The following USP42 variants were observed in gnomAD, a reference collection of about 807,000 sequenced individuals.
USP42 encodes ubiquitin specific peptidase 42, also known as ubiquitin carboxyl-terminal hydrolase 42.
A neutral mutation model predicts 113.0 loss-of-function variants in USP42; 23 were observed. The observed-to-expected ratio is 0.20, with a 90% CI of 0.15 to 0.29. The LOEUF is 0.29. Ranked by LOEUF, USP42 falls within the 10% of genes least tolerant of loss-of-function variation. The pLI, the probability that USP42 is intolerant of heterozygous loss-of-function variation, is 1.00. For missense variants in USP42, 2,174 were observed against 1,779.8 expected (o/e 1.22, Z -3.99); for synonymous variants, 933 against 699.0 (o/e 1.33, Z -5.28).
In USP42 at chr7:6,154,186, G is replaced by A. The variant is rs760613820; in HGVS notation, c.2632G>A (p.Asp878Asn). The change falls in exon 15 of 18, where the codon GAC (aspartate) becomes AAC (asparagine). Residue 878 changes from aspartate (D) to asparagine (N), a missense_variant. Asp to Asn is a conservative substitution (Grantham distance 23). Coordinates refer to ENST00000306177, the MANE Select transcript of USP42 (RefSeq NM_032172.3). ...GCCACTCCTTGTTCACCCCAGCGGG[G>A]ACCACGCCCGGGACGCTCAGGACCC... is the stretch of plus-strand genomic sequence containing the variant. ...EQPLLVHPSG[D>N]HARDAQDPSQ... The A allele has an allele frequency of 4.4e-5, 70 of 1,600,378 alleles. 1 individual carries two copies. The East Asian group carries it at 1.6e-3, about 36-fold the overall frequency.
At position 6,157,306 on chromosome 7, in the gene USP42, C is replaced by T; in HGVS notation, c.3943+251C>T. On this transcript the variant is annotated intron_variant, in intron 16 of 17. Coordinates refer to ENST00000306177, the MANE Select transcript of USP42 (RefSeq NM_032172.3). This position sits in a 1 kb window ranked among gnomAD's most constrained non-coding sequence, Gnocchi z 4.1. ...CTGAGGGCAGCACTACCTGTGTCAC[C>T]AAAGCCCTGGAACGTACAGCTCTAG... is the stretch of plus-strand genomic sequence containing the variant. 1.7e-6 allele frequency: 2 copies of T among 1,181,466 alleles called. No individual in the cohort carries two copies. Among genetic ancestry groups the T allele is most frequent in the Non-Finnish European group, 2.1e-6 (2 of 956,432 alleles). The allele number at this position is 1,181,466 out of a possible 1,614,324, so 73.2% of individuals were successfully genotyped here.
chr7:6,128,720 C>CT (rs1349413235), intron 3 of USP42, among the ~76,000 whole-genome samples: 1 of 150,872 alleles, frequency 6.6e-6, no homozygotes, highest in East Asian at 1.9e-4. Context: ...TTGTTCTGTT[C>CT]TTTTTTATAT....
At chr7:6,135,521 G>T (rs907407605) in intron 3 of USP42, among the ~76,000 whole-genome samples, 1 of 151,484 alleles carries the variant, frequency 6.6e-6, no homozygotes, top group East Asian at 1.9e-4. Context: ...GCATGGTGGC[G>T]CATGTAGTAG....
rs1276555584 is a variant in USP42, at chr7:6,156,894, T to C, written c.3782T>C (p.Val1261Ala). 1.2e-6 allele frequency: 2 copies of C among 1,613,540 alleles called. No homozygotes were observed. Among genetic ancestry groups the C allele is most frequent in the Non-Finnish European group, 1.7e-6 (2 of 1,179,812 alleles). ...VKDSELHLPRVTSLETVAQFR... is the reference protein window; with the variant it reads ...VKDSELHLPRATSLETVAQFR... ...GATTCAGAACTGCACTTACCCAGGG[T>C]CACCAGCTTGGAGACTGTCGCCCAG... is the stretch of plus-strand genomic sequence containing the variant. Residue 1261 changes from valine to alanine, a missense_variant, in exon 16 of 18, where the codon GTC becomes GCC. Coordinates refer to ENST00000306177, the MANE Select transcript of USP42 (RefSeq NM_032172.3).
rs1202870338 is a variant in USP42 at position 6,155,123 on chromosome 7, C to A, written c.3569C>A (p.Pro1190His). Residue 1190 changes from proline (P) to histidine (H), a missense_variant, in exon 15 of 18, where the codon CCT becomes CAT. By Grantham distance (77) the Pro-to-His change is moderately conservative (BLOSUM62 -2). Coordinates refer to ENST00000306177, the MANE Select transcript of USP42 (RefSeq NM_032172.3). ...GAACAGAAGGATCCTCTAGAAGAGC[C>A]TAAAGCAAAGAAGCACAAAAAATCA... ...RSEQKDPLEE[P>H]KAKKHKKSKK... The A allele has an allele frequency of 6.4e-7, 1 of 1,556,046 alleles. No individual in the cohort carries two copies. The highest frequency in any genetic ancestry group is 1.2e-5 in the South Asian group (1 of 84,194).
At chr7:6,151,632 A>T (rs1291536107) in intron 14 of USP42, among the ~76,000 whole-genome samples, 3 of 152,072 alleles carry the variant, frequency 2.0e-5, no homozygotes, top group Non-Finnish European at 4.4e-5. Flanking sequence ...TAGTAGAGAC[A>T]GGGTTTTACC....
At position 6,114,656 on chromosome 7, in the gene USP42, G is replaced by GTGTATATATATATATATA. The variant is rs1187768774; in HGVS notation, c.242-666_242-665insGTATATATATATATATAT. Among the ~76,000 whole-genome samples the GTGTATATATATATATATA allele has an allele frequency of 1.7e-4, 10 of 60,594 alleles. No homozygotes were observed. In the South Asian group the frequency reaches 2.7e-3, roughly 17 times the overall value. The allele number at this position is 60,594 out of a possible 152,430, so 39.8% of individuals were successfully genotyped here. A position where few individuals can be genotyped will look rare whatever the true frequency, so the allele number is the denominator to read the frequency against. On this transcript the variant is annotated intron_variant, in intron 2 of 17. Coordinates refer to ENST00000306177, the MANE Select transcript of USP42 (RefSeq NM_032172.3). ...TGTGTGTATATATGTATGTGTGTGTGTATATATATATATATATATATATTT... is the reference window on the plus strand; with the variant it reads ...TGTGTGTATATATGTATGTGTGTGTGTGTATATATATATATATATATATATATATATATATATATATTT...
In USP42 at chr7:6,111,111, T is replaced by C. The variant is rs376930802; in HGVS notation, c.-9-14T>C. ...CACCTGATGAAACAAATACATACTT[T>C]TCATCTTTTGCAGAGTTGAACAATG... is the stretch of plus-strand genomic sequence containing the variant. On this transcript the variant is annotated splice_polypyrimidine_tract_variant and intron_variant, in intron 1 of 17. Transcript: ENST00000306177. 4.4e-6 allele frequency: 7 copies of C among 1,601,340 alleles called. No individual in the cohort carries two copies. In the African/African-American group the frequency reaches 8.0e-5, roughly 18 times the overall value.
Position 6,154,253 on chromosome 7 carries a change from C to T in USP42, c.2699C>T (p.Pro900Leu), listed in dbSNP as rs1278126326. 2.5e-6 allele frequency: 4 copies of T among 1,604,774 alleles called. No individual in the cohort carries two copies. Among genetic ancestry groups the T allele is most frequent in the Admixed American group, 3.4e-5 (2 of 59,122 alleles). Residue 900 changes from proline to leucine, a missense_variant, in exon 15 of 18, where the codon CCA becomes CTA. By Grantham distance (98) the Pro-to-Leu change is moderately conservative (BLOSUM62 -3). Coordinates refer to ENST00000306177, the MANE Select transcript of USP42 (RefSeq NM_032172.3). Reference sequence around the variant, plus strand: ...GCACCCGAGGCCGCAGAGCGGCCGCCAGCTCCTGTGCTGGACATGGCCCCG... The same window carrying T: ...GCACCCGAGGCCGCAGAGCGGCCGCTAGCTCCTGTGCTGGACATGGCCCCG... Reference protein sequence around the residue: ...LGAPEAAERPPAPVLDMAPAG... With the variant: ...LGAPEAAERPLAPVLDMAPAG...
rs901781252 is a variant in USP42 at position 6,127,482 on chromosome 7, C to G, written c.443-8359C>G. 2.6e-5 allele frequency among the ~76,000 whole-genome samples: 4 copies of G among 151,438 alleles called. No individual in the cohort carries two copies. In the East Asian group the frequency reaches 7.7e-4, roughly 29 times the overall value. On this transcript the variant is annotated intron_variant, in intron 3 of 17. Transcript: ENST00000306177. Reference sequence around the variant, plus strand: ...TTTTTTTTAGAAACTGAGATTTGAGCTGAGTTTTTTTGTCTGGATGTCATT... The same window carrying G: ...TTTTTTTTAGAAACTGAGATTTGAGGTGAGTTTTTTTGTCTGGATGTCATT...
At chr7:6,119,689 T>C (rs1359641061) in intron 3 of USP42, among the ~76,000 whole-genome samples, 1 of 150,918 alleles carries the variant, frequency 6.6e-6, no homozygotes, top group Non-Finnish European at 1.5e-5. Flanking sequence ...TAGGCCTTGT[T>C]TTTTGTTGTT....
chr7:6,119,685 T>C (rs1376221252), intron 3 of USP42, among the ~76,000 whole-genome samples: 5 of 152,030 alleles, frequency 3.3e-5, no homozygotes, highest in Non-Finnish European at 7.4e-5. Flanking sequence ...CATTTAGGCC[T>C]TGTTTTTTGT....
intron 11 of USP42, among the ~76,000 whole-genome samples, chr7:6,146,599 A>T (rs1320102126): frequency 3.9e-5 from 6 of 152,180 alleles, no homozygotes; most frequent in Non-Finnish European, 4.4e-5. Context: ...GGGGAGGCCG[A>T]GGCTGCAGTA....
At chr7:6,097,653 C>T in the USP42 span, among the ~76,000 whole-genome samples, 1 of 149,724 alleles carries the variant, frequency 6.7e-6, no homozygotes, top group Admixed American at 6.6e-5. Flanking sequence ...TGCAGTGGCA[C>T]AATCTCAGCT....
chr7:6,091,817 TG>T, the USP42 span, among the ~76,000 whole-genome samples: 1 of 150,554 alleles, frequency 6.6e-6, no homozygotes, highest in Non-Finnish European at 1.5e-5. Flanking sequence ...TTGCCCCAAC[TG>T]GGCTTGATCC....
chr7:6,154,748 G>C lies in USP42; in HGVS notation c.3194G>C (p.Arg1065Thr), dbSNP rs112550268. 0.019 allele frequency: 29,337 copies of C among 1,569,554 alleles called. 325 individuals carry two copies. The highest frequency in any genetic ancestry group is 0.022 in the Non-Finnish European group (26,051 of 1,159,118). The change falls in exon 15 of 18, where the codon AGG becomes ACG. Residue 1065 changes from arginine (R) to threonine (T), a missense_variant. Physicochemically the swap from Arg to Thr is moderately conservative, Grantham distance 71. Transcript: ENST00000306177. Reference protein sequence around the residue: ...RWDRCRYYHDRYALYAARDWK... With the variant: ...RWDRCRYYHDTYALYAARDWK... ...GACAGGTGCCGGTACTACCATGACA[G>C]GTACGCCCTGTACGCTGCCCGGGAC...
At chr7:6,090,971 C>CAATTGTAATCA in the USP42 span, among the ~76,000 whole-genome samples, 110 of 150,790 alleles carry the variant, frequency 7.3e-4, 1 homozygote, top group Admixed American at 3.2e-3. Context: ...GGATCAATTT[C>CAATTGTAATCA]ATCACAGTTA....
At chr7:6,112,235 G>T (rs1459006763) in intron 2 of USP42, among the ~76,000 whole-genome samples, 1 of 152,102 alleles carries the variant, frequency 6.6e-6, no homozygotes, top group Non-Finnish European at 1.5e-5. Flanking sequence ...GATCACCTGA[G>T]GTCAGGAGTT....
At chr7:6,085,618 A>AT in the USP42 span, among the ~76,000 whole-genome samples, 968 of 135,682 alleles carry the variant, frequency 7.1e-3, 56 homozygotes, top group African/African-American at 0.023. Flanking sequence ...ATATATATAT[A>AT]TATATATTTT....
Sources: gnomAD v4.1 joint callset for allele counts (sites outside exome capture counted in the v4.1 genomes callset) on GRCh38, gnomAD v4.1.1 for gene constraint, Gnocchi (gnomAD v3.1) non-coding constraint, MANE v1.5 for transcripts, NCBI Gene and HGNC (gene_info 2026-07-23, HGNC 2026-07-21) for gene names.